Variants in TET3 observed in about 807,000 individuals in gnomAD.
TET3 encodes methylcytosine dioxygenase TET3.
A neutral mutation model predicts 141.4 loss-of-function variants in TET3; 19 were observed. That is an observed-to-expected ratio of 0.13 (90% CI 0.09 to 0.20). The LOEUF is 0.20. Ranked by LOEUF, TET3 falls within the 10% of genes least tolerant of loss-of-function variation. The pLI is 1.00. For missense variants in TET3, 1,874 were observed against 2,356.9 expected (o/e 0.80, Z 4.24); for synonymous variants, 1,043 against 980.9 (o/e 1.06, Z -1.18).
intron 2 of TET3, among the ~76,000 whole-genome samples, chr2:73,996,902 C>T (rs1684622829): frequency 6.6e-6 from 1 of 152,214 alleles, no homozygotes; most frequent in African/African-American, 2.4e-5. Context: ...CAGGTGGCCA[C>T]AGGTATGGGG....
intron 2 of TET3, among the ~76,000 whole-genome samples, chr2:74,002,389 C>T (rs1684896952): frequency 7.0e-6 from 1 of 143,068 alleles, no homozygotes; most frequent in Non-Finnish European, 1.5e-5. Flanking sequence ...GGCGTCTGCT[C>T]CGCTCCGCTC....
At chr2:74,033,197 A>G (rs1419461939) in intron 3 of TET3, among the ~76,000 whole-genome samples, 2 of 152,236 alleles carry the variant, frequency 1.3e-5, no homozygotes, top group Non-Finnish European at 2.9e-5. Flanking sequence ...ATAAAAATGA[A>G]AATACCTATG....
chr2:74,032,479 G>GCGCGCGCGCGCGATGGCCCCAGCGGC (rs1558730037), intron 3 of TET3, among the ~76,000 whole-genome samples: 1 of 150,448 alleles, frequency 6.6e-6, no homozygotes, highest in Non-Finnish European at 1.5e-5. Context: ...GTGTGTGTGT[G>GCGCGCGCGCGCGATGGCCCCAGCGGC]TGTGTGTGTG....
Position 74,105,972 on chromosome 2 carries a change from G to A in TET3, c.*3796G>A, listed in dbSNP as rs958886888. 1 of 153,566 alleles carries A rather than the reference G, an allele frequency of 6.5e-6. No homozygotes were observed. The highest frequency in any genetic ancestry group is 2.4e-5 in the African/African-American group (1 of 41,412). 9.5% of individuals were successfully genotyped at this position (153,566 alleles called of 1,614,324 possible). A position where few individuals can be genotyped will look rare whatever the true frequency, so the allele number is the denominator to read the frequency against. ...GGAAGCATTTTTATGAATTGAAATA[G>A]TCTAAATAAAATGGTGCTATGGTGT... On this transcript the variant is annotated 3_prime_UTR_variant, in exon 12 of 12. Transcript: ENST00000409262.
intron 3 of TET3, among the ~76,000 whole-genome samples, chr2:74,041,349 C>T (rs926626095): frequency 6.6e-6 from 1 of 152,120 alleles, no homozygotes; most frequent in Non-Finnish European, 1.5e-5. Context: ...GGAGCTGTTC[C>T]TCTTGTGGTT....
chr2:74,005,143 C>T (rs187259654), intron 3 of TET3, among the ~76,000 whole-genome samples: 470 of 152,316 alleles, frequency 3.1e-3, no homozygotes, highest in Middle Eastern at 6.8e-3. Context: ...GTGTGTTCTC[C>T]GTGTCTCCCT....
intron 3 of TET3, among the ~76,000 whole-genome samples, chr2:74,041,388 G>T (rs1423063942): frequency 6.6e-6 from 1 of 152,124 alleles, no homozygotes; most frequent in African/African-American, 2.4e-5. Flanking sequence ...CTTCCTCTCT[G>T]CCCAGAGGGT....
In TET3 at chr2:74,003,159, C is replaced by T. The variant is rs1684953475; in HGVS notation, c.353C>T (p.Ala118Val). 1 of 1,549,936 alleles carries T rather than the reference C, an allele frequency of 6.5e-7. No homozygotes were observed. Among genetic ancestry groups the T allele is most frequent in the Non-Finnish European group, 8.7e-7 (1 of 1,146,864 alleles). Residue 118 changes from alanine (A) to valine (V), a missense_variant, in exon 3 of 12, where the codon GCT becomes GTT. Ala to Val is a moderately conservative substitution (Grantham distance 64). Coordinates refer to ENST00000409262, the MANE Select transcript of TET3 (RefSeq NM_001287491.2). ...GCCGGGCCGTGGGGACAAGGAGCGG[C>T]TGTCAAGGTACCTTGTGTGTGTGCG... is the stretch of plus-strand genomic sequence containing the variant. ...EGAGPWGQGA[A>V]VKTGSELSPV...
the TET3 span, among the ~76,000 whole-genome samples, chr2:74,129,350 C>T: frequency 1.8e-4 from 23 of 129,982 alleles, no homozygotes; most frequent in East Asian, 8.3e-4. Context: ...AAAAAAAACC[C>T]GGCCGGGCAC....
intron 7 of TET3, among the ~76,000 whole-genome samples, chr2:74,089,104 A>AG (rs1294160236): frequency 3.7e-4 from 54 of 144,242 alleles, no homozygotes; most frequent in Non-Finnish European, 6.3e-4. Context: ...AAAAAAAAAA[A>AG]GACATAGAAC....
chr2:74,074,266 G>A (rs912051033), intron 5 of TET3, among the ~76,000 whole-genome samples: 2 of 152,136 alleles, frequency 1.3e-5, no homozygotes, highest in Admixed American at 6.5e-5. Flanking sequence ...TGGAGGAAAA[G>A]GTATTTAGAA....
chr2:74,038,473 G>A (rs1342137434), intron 3 of TET3, among the ~76,000 whole-genome samples: 1 of 152,154 alleles, frequency 6.6e-6, no homozygotes, highest in African/African-American at 2.4e-5. Context: ...CCCAGCGAGG[G>A]CAGGGAAAAG....
At chr2:74,097,228 C>CACAT (rs1553435477) in intron 10 of TET3, among the ~76,000 whole-genome samples, 3 of 150,688 alleles carry the variant, frequency 2.0e-5, no homozygotes, top group Non-Finnish European at 3.0e-5. Context: ...CACACACACA[C>CACAT]ACATACATTC....
intron 3 of TET3, among the ~76,000 whole-genome samples, chr2:74,028,881 T>C (rs1231924987): frequency 6.6e-6 from 1 of 152,252 alleles, no homozygotes; most frequent in Non-Finnish European, 1.5e-5. Flanking sequence ...TGTATTTACC[T>C]TGTCACAGAC....
chr2:74,090,084 T>A (rs755454548), intron 8 of TET3, 37 bp downstream of exon 8: 135 of 1,607,198 alleles, frequency 8.4e-5, no homozygotes, highest in Non-Finnish European at 1.1e-4. Context: ...CCTCCCATCC[T>A]TTCTCGCCTG....
chr2:74,061,381 A>C (rs1403128300), intron 4 of TET3, among the ~76,000 whole-genome samples: 47 of 86,332 alleles, frequency 5.4e-4, no homozygotes, highest in African/African-American at 1.0e-3. Context: ...TGACCCCCCC[A>C]CCTCCCTCCC....
At chr2:74,041,448 A>G (rs562483896) in intron 3 of TET3, among the ~76,000 whole-genome samples, 6 of 152,278 alleles carry the variant, frequency 3.9e-5, no homozygotes, top group Middle Eastern at 6.8e-3. Flanking sequence ...CTGGGTCACA[A>G]GCAGGGCTGT....
rs77785322 is a variant in TET3, at chr2:74,078,685, G to A, written c.2586-1813G>A. ...GTGGAGATTCCTAGAAGTGGAGTGGGTAAGATAAAGAATATGTGTATTCTG... is the reference window on the plus strand; with the variant it reads ...GTGGAGATTCCTAGAAGTGGAGTGGATAAGATAAAGAATATGTGTATTCTG... On this transcript the variant is annotated intron_variant, in intron 5 of 11. Transcript: ENST00000409262. 3.6e-4 allele frequency among the ~76,000 whole-genome samples: 55 copies of A among 152,196 alleles called. No individual in the cohort carries two copies. The East Asian group carries it at 0.01, about 29-fold the overall frequency.
rs537740256 is a variant in TET3, at chr2:74,094,639, AG to A, written c.3267+977del. Reference sequence around the variant, plus strand: ...AGGCTGGGGCAGCCATCCAGGCCAGAGGGGACACGGCTTGGGCAGGAGTGGG... The same window carrying A: ...AGGCTGGGGCAGCCATCCAGGCCAGAGGGACACGGCTTGGGCAGGAGTGGG... On this transcript the variant is annotated intron_variant, in intron 10 of 11. Coordinates refer to ENST00000409262, the MANE Select transcript of TET3 (RefSeq NM_001287491.2). Among the ~76,000 whole-genome samples the A allele has an allele frequency of 5.6e-4, 85 of 152,072 alleles. 2 individuals carry two copies. The South Asian group carries it at 0.017, about 30-fold the overall frequency.
Sources: gnomAD v4.1 joint callset for allele counts (sites outside exome capture counted in the v4.1 genomes callset) on GRCh38, gnomAD v4.1.1 for gene constraint, MANE v1.5 for transcripts, NCBI Gene and HGNC (gene_info 2026-07-23, HGNC 2026-07-21) for gene names.